The following C19orf44 variants were observed in gnomAD, a reference collection of about 807,000 sequenced individuals.
C19orf44 encodes the protein uncharacterized protein C19orf44.
In C19orf44, 43 loss-of-function variants were observed where a neutral mutation model predicts 50.7. The observed-to-expected ratio is 0.85, with a 90% confidence interval of 0.66 to 1.09. C19orf44 has a LOEUF of 1.09. C19orf44 is among the 50% of genes least tolerant of loss of function. C19orf44 has a pLI of 0.00. For missense variants in C19orf44, 722 were observed against 836.2 expected, an observed-to-expected ratio of 0.86 and a Z score of 1.68; for synonymous variants, 298 against 334.7, an observed-to-expected ratio of 0.89 and a Z score of 1.20.
chr19:16,510,774 T>C (rs985759919), intron 5 of C19orf44, among the ~76,000 whole-genome samples: 1 of 152,096 alleles, frequency 6.6e-6, no homozygotes, highest in African/African-American at 2.4e-5. Flanking sequence ...CTTGCTATGT[T>C]GCCCAAGCTG....
rs908826916 is a variant in C19orf44, at chr19:16,509,827, G to A, written c.1478G>A (p.Arg493Lys). The change falls in exon 5 of 9, where the codon AGA (arginine) becomes AAA (lysine). Residue 493 changes from arginine to lysine, a missense_variant. Arg to Lys is a conservative substitution (Grantham distance 26). Transcript: ENST00000221671. Reference sequence around the variant, plus strand: ...GCCCATTCCAAGGAGTCTCTTGACAGAACACTGGACGCTTTGTCTGAATCC... The same window carrying A: ...GCCCATTCCAAGGAGTCTCTTGACAAAACACTGGACGCTTTGTCTGAATCC... Reference protein sequence around the residue: ...PTAHSKESLDRTLDALSESSS... With the variant: ...PTAHSKESLDKTLDALSESSS... 15 of 1,614,130 alleles carry A rather than the reference G, an allele frequency of 9.3e-6. No homozygotes were observed. The highest frequency in any genetic ancestry group is 1.1e-5 in the Non-Finnish European group (13 of 1,180,046).
chr19:16,513,996 T>A (rs2093464761), intron 6 of C19orf44, among the ~76,000 whole-genome samples: 2 of 151,856 alleles, frequency 1.3e-5, no homozygotes, highest in Non-Finnish European at 2.9e-5. Context: ...TTTTTTAATT[T>A]TTTTTTTTTG....
At position 16,501,365 on chromosome 19, in the gene C19orf44, G is replaced by T; in HGVS notation, c.573G>T (p.Gly191=). The T allele has an allele frequency of 6.2e-7, 1 of 1,614,056 alleles. No homozygotes were observed. Among genetic ancestry groups the T allele is most frequent in the Non-Finnish European group, 8.5e-7 (1 of 1,180,016 alleles). Reference sequence around the variant, plus strand: ...ACATATCCCCTGAAGCACCTGCTGGGAAAGAGAGGACTTTGCAAACCCCCA... The same window carrying T: ...ACATATCCCCTGAAGCACCTGCTGGTAAAGAGAGGACTTTGCAAACCCCCA... The part of the protein sequence containing the change: ...VENISPEAPA[G]KERTLQTPKQ... The change falls in exon 2 of 9, where the codon GGG becomes GGT. Residue 191 remains glycine (G), a synonymous_variant. Coordinates refer to ENST00000221671, the MANE Select transcript of C19orf44 (RefSeq NM_032207.4).
chr19:16,506,236 A>G (rs2093440207), intron 3 of C19orf44, among the ~76,000 whole-genome samples: 1 of 151,940 alleles, frequency 6.6e-6, no homozygotes, highest in African/African-American at 2.4e-5. Context: ...CGGCCTCCCA[A>G]AGTGTTGGGA....
rs1427096391 is a variant in C19orf44 at position 16,519,734 on chromosome 19, ATTC to A, written c.*41-357_*41-355del. ...AGAGGAACTAAAATCGAGACAGGTT[ATTC>A]TTTTTAAGAAGTAACTGAGACATTT... is the stretch of plus-strand genomic sequence containing the variant. On this transcript the variant is annotated intron_variant, in intron 8 of 8. Transcript: ENST00000221671. This position sits in a 1 kb window ranked among gnomAD's most constrained non-coding sequence, Gnocchi z 6.0. The A allele has an allele frequency of 6.3e-7, 1 of 1,594,066 alleles. No homozygotes were observed. Among genetic ancestry groups the A allele is most frequent in the Admixed American group, 1.7e-5 (1 of 59,968 alleles).
intron 5 of C19orf44, among the ~76,000 whole-genome samples, chr19:16,512,352 C>T (rs2093459964): frequency 1.3e-5 from 2 of 152,166 alleles, no homozygotes; most frequent in Admixed American, 1.3e-4. Context: ...AAACAGCAGC[C>T]ATAAACACGC....
intron 5 of C19orf44, 109 bp downstream of exon 5, chr19:16,510,097 C>G (rs1568497318): frequency 6.5e-7 from 1 of 1,545,638 alleles, no homozygotes; most frequent in African/African-American, 1.4e-5. Context: ...GAGATTTGGG[C>G]TCTTGTTATT....
At chr19:16,507,418 C>T (rs987626698) in intron 4 of C19orf44, among the ~76,000 whole-genome samples, 1 of 151,744 alleles carries the variant, frequency 6.6e-6, no homozygotes, top group African/African-American at 2.4e-5. Flanking sequence ...TGGTTATACA[C>T]AGTGATGACA....
intron 8 of C19orf44, chr19:16,518,606 A>T (rs2085571604): frequency 6.5e-6 from 1 of 153,966 alleles, no homozygotes; most frequent in Non-Finnish European, 1.4e-5. Flanking sequence ...ACCCTGCTTC[A>T]CTTCGCAAGT....
chr19:16,507,700 C>G (rs1431321127), intron 4 of C19orf44, among the ~76,000 whole-genome samples: 4 of 151,734 alleles, frequency 2.6e-5, no homozygotes, highest in Non-Finnish European at 5.9e-5. Flanking sequence ...CCATGTTGGC[C>G]AGGCTGGTTT....
In C19orf44 at chr19:16,520,459, G is replaced by A; in HGVS notation, c.*406G>A. 6.2e-7 allele frequency: 1 copy of A among 1,614,116 alleles called. No homozygotes were observed. The highest frequency in any genetic ancestry group is 1.6e-4 in the Middle Eastern group (1 of 6,062). Reference sequence around the variant, plus strand: ...TGGAGGATCTTGAGTTGGAGCGGGAGGAAGAACGCCCTCGACTCTTGGATC... The same window carrying A: ...TGGAGGATCTTGAGTTGGAGCGGGAAGAAGAACGCCCTCGACTCTTGGATC... On this transcript the variant is annotated 3_prime_UTR_variant, in exon 9 of 9. Transcript: ENST00000221671. The surrounding 1 kb of genome is among the most constrained non-coding windows in gnomAD (Gnocchi z 4.0).
intron 7 of C19orf44, among the ~76,000 whole-genome samples, chr19:16,516,672 G>A (rs1157288319): frequency 1.3e-5 from 2 of 152,220 alleles, no homozygotes; most frequent in Non-Finnish European, 2.9e-5. Flanking sequence ...CAGGCGGGGT[G>A]GGCCTGGAGC....
chr19:16,507,712 G>A (rs933799956), intron 4 of C19orf44, among the ~76,000 whole-genome samples: 5 of 151,436 alleles, frequency 3.3e-5, no homozygotes, highest in African/African-American at 7.3e-5. Flanking sequence ...GGCTGGTTTC[G>A]AACTCCTGAC....
chr19:16,501,067 C>A lies in C19orf44; in HGVS notation c.275C>A (p.Ala92Asp). Reference sequence around the variant, plus strand: ...ACTGCCTCCAGGATCCGAGCCAATGCCGCACTCATGAAGCTGGCCCAGCTG... The same window carrying A: ...ACTGCCTCCAGGATCCGAGCCAATGACGCACTCATGAAGCTGGCCCAGCTG... ...PTTASRIRAN[A>D]ALMKLAQLET... is the part of the protein sequence containing the mutation. The change falls in exon 2 of 9, where the codon GCC (alanine) becomes GAC (aspartate). Residue 92 changes from alanine (A) to aspartate (D), a missense_variant. Physicochemically the swap from Ala to Asp is moderately radical, Grantham distance 126 (BLOSUM62 -2). Transcript: ENST00000221671. 1 of 1,614,138 alleles carries A rather than the reference C, an allele frequency of 6.2e-7. No individual in the cohort carries two copies. Among genetic ancestry groups the A allele is most frequent in the Non-Finnish European group, 8.5e-7 (1 of 1,180,038 alleles).
chr19:16,514,712 G>A, intron 7 of C19orf44, 49 bp downstream of exon 7: 2 of 1,464,000 alleles, frequency 1.4e-6, no homozygotes, highest in Non-Finnish European at 1.8e-6. Context: ...GGGAGCGGCA[G>A]CTCCCAGAGG....
At position 16,503,291 on chromosome 19, in the gene C19orf44, G is replaced by T. The variant is rs1464756949; in HGVS notation, c.986G>T (p.Gly329Val). Residue 329 changes from glycine to valine, a missense_variant, in exon 3 of 9, where the codon GGG becomes GTG. Transcript: ENST00000221671. ...AFSNSVSLKM[G>V]HVKLVSSPGR... ...TCAAACTCAGTGTCTTTAAAGATGGGGCATGTCAAGCTTGTGTCCTCCCCG... is the reference window on the plus strand; with the variant it reads ...TCAAACTCAGTGTCTTTAAAGATGGTGCATGTCAAGCTTGTGTCCTCCCCG... The T allele has an allele frequency of 1.2e-5, 19 of 1,614,160 alleles. No individual in the cohort carries two copies. Among genetic ancestry groups the T allele is most frequent in the Non-Finnish European group, 1.4e-5 (17 of 1,180,034 alleles).
At chr19:16,506,299 T>G (rs913242171) in intron 3 of C19orf44, among the ~76,000 whole-genome samples, 2 of 151,260 alleles carry the variant, frequency 1.3e-5, no homozygotes, top group South Asian at 4.2e-4. Flanking sequence ...TTCTAAACAT[T>G]TGTGGGAGAT....
At chr19:16,512,888 G>T in intron 5 of C19orf44, 126 bp from the exon 6 acceptor site, 27 of 673,546 alleles carry the variant, frequency 4.0e-5, no homozygotes, top group Middle Eastern at 3.7e-4. Flanking sequence ...AAATGCAAGA[G>T]TGGCGATCAC....
At position 16,520,912 on chromosome 19, in the gene C19orf44, A is replaced by G. The variant is rs769735363; in HGVS notation, c.*859A>G. 2 of 1,613,432 alleles carry G rather than the reference A, an allele frequency of 1.2e-6. No homozygotes were observed. Among genetic ancestry groups the G allele is most frequent in the Admixed American group, 1.7e-5 (1 of 60,012 alleles). ...AGAGGCCGTTCTGCTCCCAGCCTTC[A>G]CTGTAAGACACGGCATTCCGTGTGT... On this transcript the variant is annotated 3_prime_UTR_variant, in exon 9 of 9. Transcript: ENST00000221671. The surrounding 1 kb of genome is among the most constrained non-coding windows in gnomAD (Gnocchi z 4.0).
Sources: allele counts gnomAD v4.1 joint callset (sites outside exome capture counted in the v4.1 genomes callset), GRCh38; gene constraint gnomAD v4.1.1; non-coding constraint Gnocchi (gnomAD v3.1); transcripts MANE v1.5; gene names NCBI Gene and HGNC (gene_info 2026-07-23, HGNC 2026-07-21).